Variants in SDK1 observed in about 807,000 individuals in gnomAD.
SDK1 encodes the protein protein sidekick-1.
SDK1 carries 157 observed loss-of-function variants against 245.5 expected under a neutral mutation model. The observed-to-expected ratio is 0.64, with a 90% CI of 0.56 to 0.73. The LOEUF is 0.73. Ranked by LOEUF, SDK1 falls within the 30% of genes least tolerant of loss-of-function variation. SDK1 has a pLI of 0.00. For missense variants in SDK1, 3,583 were observed against 3,002.3 expected (o/e 1.19, Z -4.52); for synonymous variants, 1,647 against 1,278.5 (o/e 1.29, Z -6.15).
chr7:3,346,825 A>T (rs377284683), intron 1 of SDK1, among the ~76,000 whole-genome samples: 730 of 27,404 alleles, frequency 0.027, 10 homozygotes, highest in African/African-American at 0.033. Flanking sequence ...ATATATATAT[A>T]TATTTTTTTT....
At position 3,392,253 on chromosome 7, in the gene SDK1, A is replaced by G. The variant is rs1344485711; in HGVS notation, c.298+90369A>G. ...TAGCAAATTCCACTTGTGACCAATGATTTCTTAGAAATGTATCATTATTAA... is the reference window on the plus strand; with the variant it reads ...TAGCAAATTCCACTTGTGACCAATGGTTTCTTAGAAATGTATCATTATTAA... On this transcript the variant is annotated intron_variant, in intron 1 of 44. Transcript: ENST00000404826. Among the ~76,000 whole-genome samples, 6 of 152,234 alleles carry G rather than the reference A, an allele frequency of 3.9e-5. No individual in the cohort carries two copies. The East Asian group carries it at 7.7e-4, about 20-fold the overall frequency.
At chr7:3,665,959 G>A (rs573834356) in intron 4 of SDK1, among the ~76,000 whole-genome samples, 8 of 152,022 alleles carry the variant, frequency 5.3e-5, no homozygotes, top group Non-Finnish European at 1.0e-4. Flanking sequence ...ACAATTTCTC[G>A]GTTGGCTCAC....
intron 1 of SDK1, among the ~76,000 whole-genome samples, chr7:3,596,767 G>A (rs1200876017): frequency 6.6e-6 from 1 of 152,166 alleles, no homozygotes; most frequent in South Asian, 2.1e-4. Flanking sequence ...ACTAATTCTG[G>A]AATCAGAAGC....
At chr7:3,739,746 G>C (rs533626199) in intron 4 of SDK1, among the ~76,000 whole-genome samples, 1 of 152,068 alleles carries the variant, frequency 6.6e-6, no homozygotes, top group Admixed American at 6.5e-5. Flanking sequence ...TTTCTGTAAA[G>C]TCTAGCATAC....
intron 4 of SDK1, among the ~76,000 whole-genome samples, chr7:3,801,606 G>A (rs1346124687): frequency 6.6e-6 from 1 of 152,186 alleles, no homozygotes; most frequent in East Asian, 1.9e-4. Flanking sequence ...GGCCTGGGAG[G>A]GATGGATTGA....
chr7:3,853,767 A>G (rs935272084), intron 5 of SDK1, among the ~76,000 whole-genome samples: 1 of 152,050 alleles, frequency 6.6e-6, no homozygotes, highest in African/African-American at 2.4e-5. Context: ...GAGGTGGGCA[A>G]TTCACGAGGT....
chr7:4,009,334 A>C (rs960965171), intron 14 of SDK1, among the ~76,000 whole-genome samples: 1 of 152,194 alleles, frequency 6.6e-6, no homozygotes, highest in Non-Finnish European at 1.5e-5. Flanking sequence ...GGTTGCCCTG[A>C]TACTGGGAAT....
intron 5 of SDK1, among the ~76,000 whole-genome samples, chr7:3,833,793 C>T (rs1325172678): frequency 6.6e-6 from 1 of 152,178 alleles, no homozygotes; most frequent in Non-Finnish European, 1.5e-5. Context: ...ATTTTACTTA[C>T]AGTGTTTGTA....
chr7:3,938,087 T>G (rs1352918978), intron 5 of SDK1, among the ~76,000 whole-genome samples: 1 of 152,154 alleles, frequency 6.6e-6, no homozygotes, highest in Non-Finnish European at 1.5e-5. Context: ...TCCACCTGCC[T>G]TGACCTCCCA....
intron 1 of SDK1, among the ~76,000 whole-genome samples, chr7:3,391,776 T>C (rs1168082639): frequency 6.6e-6 from 1 of 151,480 alleles, no homozygotes; most frequent in Non-Finnish European, 1.5e-5. Flanking sequence ...AGCTGGTGTG[T>C]GCCATAATGC....
chr7:3,474,389 C>A (rs1021108983), intron 1 of SDK1, among the ~76,000 whole-genome samples: 1 of 151,930 alleles, frequency 6.6e-6, no homozygotes, highest in African/African-American at 2.4e-5. Flanking sequence ...CTACTGTGCC[C>A]GGCCATCTCT....
intron 22 of SDK1, among the ~76,000 whole-genome samples, chr7:4,106,294 C>CT (rs915413839): frequency 2.0e-5 from 3 of 148,714 alleles, no homozygotes; most frequent in Admixed American, 6.6e-5. Context: ...TCCCCCGTTT[C>CT]TTTTTTTTCT....
At position 3,632,059 on chromosome 7, in the gene SDK1, A is replaced by G. The variant is rs149704001; in HGVS notation, c.459-6945A>G. 3.8e-4 allele frequency among the ~76,000 whole-genome samples: 58 copies of G among 152,296 alleles called. No individual in the cohort carries two copies. In the East Asian group the frequency reaches 0.011, roughly 29 times the overall value. ...CTTTTATGTTCATAGAGAACCTGGC[A>G]TTATAAAGAATTAAGTCAACAGACA... On this transcript the variant is annotated intron_variant, in intron 2 of 44. Transcript: ENST00000404826.
At chr7:3,436,228 A>C (rs1241050451) in intron 1 of SDK1, among the ~76,000 whole-genome samples, 2 of 152,068 alleles carry the variant, frequency 1.3e-5, no homozygotes, top group East Asian at 1.9e-4. Context: ...CCCAATTTGC[A>C]TTTCAGTGGT....
At chr7:3,318,308 A>G (rs1355443584) in intron 1 of SDK1, among the ~76,000 whole-genome samples, 1 of 152,182 alleles carries the variant, frequency 6.6e-6, no homozygotes, top group Non-Finnish European at 1.5e-5. Context: ...CTGGATTCAA[A>G]TCCTGACCCT....
At position 4,051,764 on chromosome 7, in the gene SDK1, C is replaced by G. The variant is rs1431427055; in HGVS notation, c.2845C>G (p.Leu949Val). 14 of 1,614,018 alleles carry G rather than the reference C, an allele frequency of 8.7e-6. No homozygotes were observed. Among genetic ancestry groups the G allele is most frequent in the Non-Finnish European group, 1.2e-5 (14 of 1,179,964 alleles). The change falls in exon 19 of 45, where the codon CTG becomes GTG. Residue 949 changes from leucine to valine, a missense_variant. Coordinates refer to ENST00000404826, the MANE Select transcript of SDK1 (RefSeq NM_152744.4). The part of the protein sequence containing the change: ...KKFTAYFTSV[L>V]CFTTPGDGPP... ...GTTTACCGCCTACTTCACTTCCGTTCTGTGCTTCACCACCCCTGGGGACGG... is the reference window on the plus strand; with the variant it reads ...GTTTACCGCCTACTTCACTTCCGTTGTGTGCTTCACCACCCCTGGGGACGG...
Position 3,725,904 on chromosome 7 carries a change from G to T in SDK1, c.713+83799G>T, listed in dbSNP as rs541978590. 7.9e-5 allele frequency among the ~76,000 whole-genome samples: 12 copies of T among 152,304 alleles called. No individual in the cohort carries two copies. In the South Asian group the frequency reaches 1.7e-3, roughly 21 times the overall value. ...GTATTGAACAGTCAATTGATTCTGG[G>T]TTAAAACATGCTTACATCACAAAAT... On this transcript the variant is annotated intron_variant, in intron 4 of 44. Coordinates refer to ENST00000404826, the MANE Select transcript of SDK1 (RefSeq NM_152744.4).
chr7:3,553,796 G>C (rs939620677), intron 1 of SDK1, among the ~76,000 whole-genome samples: 10 of 152,158 alleles, frequency 6.6e-5, no homozygotes, highest in African/African-American at 2.4e-4. Flanking sequence ...TAGGTGGTTA[G>C]GAAAGCCTAA....
chr7:3,644,065 G>A (rs1782741971), intron 4 of SDK1, among the ~76,000 whole-genome samples: 1 of 150,834 alleles, frequency 6.6e-6, no homozygotes, highest in South Asian at 2.1e-4. Context: ...ACCATCCCCG[G>A]CTAATTTTTG....
Sources: allele counts gnomAD v4.1 joint callset (sites outside exome capture counted in the v4.1 genomes callset), GRCh38; gene constraint gnomAD v4.1.1; transcripts MANE v1.5; gene names NCBI Gene and HGNC (gene_info 2026-07-23, HGNC 2026-07-21).